The following CNTNAP3 variants were observed in gnomAD, a reference collection of about 807,000 sequenced individuals.
CNTNAP3 encodes contactin-associated protein-like 3.
A neutral mutation model predicts 92.1 loss-of-function variants in CNTNAP3; 36 were observed. The observed-to-expected ratio is 0.39, with a 90% CI of 0.30 to 0.52. The LOEUF is 0.52. CNTNAP3 is among the 20% of genes least tolerant of loss of function. The pLI is 0.76. For missense variants in CNTNAP3, 534 were observed against 1,069.6 expected, an observed-to-expected ratio of 0.50 and a Z score of 6.98; for synonymous variants, 232 against 422.3, an observed-to-expected ratio of 0.55 and a Z score of 5.53.
At chr9:39,086,048 C>CT in intron 20 of CNTNAP3, 2 of 599,058 alleles carry the variant, frequency 3.3e-6, no homozygotes, top group Non-Finnish European at 6.0e-6. Context: ...GATGTACCCA[C>CT]TTGCTGGCTT....
At chr9:39,111,669 C>T (rs1380805965) in intron 14 of CNTNAP3, among the ~76,000 whole-genome samples, 8 of 152,042 alleles carry the variant, frequency 5.3e-5, no homozygotes, top group Non-Finnish European at 1.0e-4. Context: ...ATCATTTTAG[C>T]AAGATAGTCT....
intron 12 of CNTNAP3, among the ~76,000 whole-genome samples, chr9:39,138,479 A>G (rs1451039778): frequency 6.6e-6 from 1 of 152,228 alleles, no homozygotes; most frequent in African/African-American, 2.4e-5. Flanking sequence ...AAACAAAACA[A>G]GAAAACAAAA....
intron 23 of CNTNAP3, among the ~76,000 whole-genome samples, chr9:39,075,255 C>G (rs997604101): frequency 1.9e-4 from 28 of 151,064 alleles, no homozygotes; most frequent in African/African-American, 5.6e-4. Context: ...TAGCTGCACA[C>G]TAAGTCAGTA....
intron 20 of CNTNAP3, chr9:39,086,031 T>C: frequency 3.2e-6 from 2 of 631,196 alleles, no homozygotes; most frequent in South Asian, 4.0e-5. Flanking sequence ...GCTACCACTC[T>C]ATCCACGATG....
At chr9:39,179,282 T>TA (rs1369144746) in intron 4 of CNTNAP3, among the ~76,000 whole-genome samples, 3 of 58,774 alleles carry the variant, frequency 5.1e-5, no homozygotes, top group African/African-American at 8.0e-5. Flanking sequence ...ACTCTCTCTC[T>TA]CTCTACACAC....
At chr9:39,141,161 A>T (rs11792449) in intron 11 of CNTNAP3, among the ~76,000 whole-genome samples, 23,438 of 152,154 alleles carry the variant, frequency 0.15, 2,213 homozygotes, top group East Asian at 0.21. Flanking sequence ...CTATTGAAAC[A>T]TGGTTCTTTT....
intron 23 of CNTNAP3, among the ~76,000 whole-genome samples, chr9:39,076,744 G>A (rs1317952286): frequency 6.6e-6 from 1 of 152,312 alleles, no homozygotes; most frequent in Non-Finnish European, 1.5e-5. Context: ...CAAGGTAGGT[G>A]GATCATGAGG....
chr9:39,112,554 C>T (rs1313670186), intron 14 of CNTNAP3, among the ~76,000 whole-genome samples: 2 of 151,994 alleles, frequency 1.3e-5, no homozygotes, highest in Non-Finnish European at 2.9e-5. Context: ...TTAGTATAGA[C>T]GGGGTTTCAC....
chr9:39,129,205 G>A (rs1051636861), intron 13 of CNTNAP3, among the ~76,000 whole-genome samples: 21 of 152,322 alleles, frequency 1.4e-4, no homozygotes, highest in African/African-American at 4.8e-4. Context: ...TGAAAAAGAA[G>A]AATAAAGCAG....
At chr9:39,248,579 CT>C (rs1216467302) in intron 2 of CNTNAP3, among the ~76,000 whole-genome samples, 3 of 10,650 alleles carry the variant, frequency 2.8e-4, no homozygotes, top group Non-Finnish European at 1.4e-3. Context: ...TTTGCATTTA[CT>C]TTTTTTTTTT....
At chr9:39,081,953 G>T (rs556268685) in intron 21 of CNTNAP3, among the ~76,000 whole-genome samples, 1 of 151,834 alleles carries the variant, frequency 6.6e-6, no homozygotes, top group Non-Finnish European at 1.5e-5. Context: ...CGGGCATGGT[G>T]GTGGGTGCCT....
chr9:39,130,228 G>A (rs2118032639), intron 13 of CNTNAP3, among the ~76,000 whole-genome samples: 1 of 152,084 alleles, frequency 6.6e-6, no homozygotes, highest in Non-Finnish European at 1.5e-5. Flanking sequence ...GCCCCAAACT[G>A]TAAACAAACA....
chr9:39,111,974 T>C (rs1826758402), intron 14 of CNTNAP3, among the ~76,000 whole-genome samples: 1 of 152,000 alleles, frequency 6.6e-6, no homozygotes. Flanking sequence ...CAAAATAGAA[T>C]ACTCAGGATT....
chr9:39,113,981 C>T (rs1252851328), intron 14 of CNTNAP3, among the ~76,000 whole-genome samples: 2 of 144,504 alleles, frequency 1.4e-5, no homozygotes, highest in Non-Finnish European at 3.1e-5. Flanking sequence ...TATACACACA[C>T]ACATATATAT....
intron 13 of CNTNAP3, among the ~76,000 whole-genome samples, chr9:39,121,023 T>A (rs1821007380): frequency 6.6e-6 from 1 of 152,098 alleles, no homozygotes; most frequent in Admixed American, 6.5e-5. Flanking sequence ...TTGACTGTGG[T>A]AAGTCACATA....
chr9:39,097,202 G>C (rs943868089), intron 18 of CNTNAP3, among the ~76,000 whole-genome samples: 3 of 151,832 alleles, frequency 2.0e-5, no homozygotes, highest in African/African-American at 7.3e-5. Flanking sequence ...ATTGCTTACT[G>C]CCAATATCTT....
chr9:39,075,782 A>G (rs1825746002), intron 23 of CNTNAP3, among the ~76,000 whole-genome samples: 2 of 152,310 alleles, frequency 1.3e-5, no homozygotes, highest in South Asian at 4.1e-4. Context: ...CCAGACTTCT[A>G]AGCCACTGCG....
In CNTNAP3 at chr9:39,073,744, A is replaced by C. The variant is rs1825680717; in HGVS notation, c.*146T>G. The C allele has an allele frequency of 6.3e-7, 1 of 1,576,822 alleles. No individual in the cohort carries two copies. Among genetic ancestry groups the C allele is most frequent in the Admixed American group, 1.7e-5 (1 of 59,776 alleles). On this transcript the variant is annotated 3_prime_UTR_variant, in exon 24 of 24. Transcript: ENST00000297668. ...GTCTTCAGCCAGGTGACAGCACTGC[A>C]CCTGCTTGTGTGCACCCTGATGGCA...
chr9:39,088,338 G>GT (rs1826110798), intron 19 of CNTNAP3, 85 bp downstream of exon 19: 1 of 1,091,340 alleles, frequency 9.2e-7, no homozygotes, highest in Admixed American at 2.4e-5. Flanking sequence ...ATCGTTTGTA[G>GT]TTTGACTGCT....
Sources: allele counts gnomAD v4.1 joint callset (sites outside exome capture counted in the v4.1 genomes callset), GRCh38; gene constraint gnomAD v4.1.1; transcripts MANE v1.5; gene names NCBI Gene and HGNC (gene_info 2026-07-23, HGNC 2026-07-21).